NELL2: variants seen among roughly 807,000 people sequenced by gnomAD.
The protein encoded by NELL2 is neural EGFL like 2.
NELL2 carries 41 observed loss-of-function variants against 109.6 expected under a neutral mutation model. The observed-to-expected ratio is 0.37, with a 90% CI of 0.29 to 0.49. The LOEUF (loss-of-function observed/expected upper bound fraction) is 0.49. Among genes scored for constraint, NELL2 ranks in the 20% least tolerant of loss-of-function variants. NELL2 has a pLI of 0.98. For synonymous variants in NELL2, 355 were observed against 344.7 expected (o/e 1.03, Z -0.33); for missense variants, 900 against 1,008.3 (o/e 0.89, Z 1.45).
intron 15 of NELL2, among the ~76,000 whole-genome samples, chr12:44,545,042 AGT>A (rs1942736595): frequency 6.6e-6 from 1 of 152,030 alleles, no homozygotes; most frequent in African/African-American, 2.4e-5. Flanking sequence ...AGAAAAAAAG[AGT>A]GTCAAAAACA....
At chr12:44,824,170 C>A (rs1342363770) in intron 2 of NELL2, among the ~76,000 whole-genome samples, 3 of 151,966 alleles carry the variant, frequency 2.0e-5, no homozygotes, top group African/African-American at 4.8e-5. Flanking sequence ...GACAATGGAC[C>A]CCTTGGCAGA....
At chr12:44,713,529 G>T (rs546041140) in intron 10 of NELL2, among the ~76,000 whole-genome samples, 1 of 151,944 alleles carries the variant, frequency 6.6e-6, no homozygotes, top group East Asian at 1.9e-4. Flanking sequence ...ACAGGTTGAG[G>T]AATTCATTTT....
intron 2 of NELL2, among the ~76,000 whole-genome samples, chr12:44,855,123 T>C (rs1485048177): frequency 2.0e-5 from 3 of 152,232 alleles, no homozygotes; most frequent in Non-Finnish European, 2.9e-5. Flanking sequence ...TGTATTTCTA[T>C]ACTTATATCA....
chr12:44,591,099 G>A (rs1177631466), intron 15 of NELL2, among the ~76,000 whole-genome samples: 1 of 152,080 alleles, frequency 6.6e-6, no homozygotes. Flanking sequence ...CAGTTAGAAT[G>A]GCTATTATCA....
chr12:44,852,560 GTAA>G (rs1944563934), intron 2 of NELL2, among the ~76,000 whole-genome samples: 1 of 152,160 alleles, frequency 6.6e-6, no homozygotes, highest in Non-Finnish European at 1.5e-5. Flanking sequence ...AGATGCCTGT[GTAA>G]TTAACATCAG....
intron 9 of NELL2, among the ~76,000 whole-genome samples, chr12:44,731,062 C>T (rs1727666428): frequency 1.3e-5 from 2 of 152,182 alleles, no homozygotes; most frequent in Admixed American, 6.5e-5. Flanking sequence ...CCTACTATGA[C>T]AGCAGAATCA....
In NELL2 at chr12:44,786,621, C is replaced by A. The variant is rs549897494; in HGVS notation, c.336-6599G>T. Among the ~76,000 whole-genome samples the A allele has an allele frequency of 2.6e-5, 4 of 152,168 alleles. No homozygotes were observed. In the South Asian group the frequency reaches 8.3e-4, roughly 32 times the overall value. On this transcript the variant is annotated intron_variant, in intron 3 of 19. Coordinates refer to ENST00000429094, the MANE Select transcript of NELL2 (RefSeq NM_001145108.2). Reference sequence around the variant, plus strand: ...ATTTACAATAGCAAAGACTTGGAACCAACCCAAATGCCCATCAATGATAGA... The same window carrying A: ...ATTTACAATAGCAAAGACTTGGAACAAACCCAAATGCCCATCAATGATAGA...
intron 12 of NELL2, among the ~76,000 whole-genome samples, chr12:44,694,509 A>C (rs1028735778): frequency 7.6e-6 from 1 of 131,480 alleles, no homozygotes; most frequent in Middle Eastern, 3.9e-3. Context: ...ATAATATACA[A>C]CACACATACA....
intron 12 of NELL2, among the ~76,000 whole-genome samples, chr12:44,678,637 C>A (rs1260117169): frequency 6.6e-6 from 1 of 152,046 alleles, no homozygotes; most frequent in Non-Finnish European, 1.5e-5. Context: ...TCAACATATT[C>A]CTTTTCTGCT....
chr12:44,884,144 T>C (rs1480192967), intron 1 of NELL2, among the ~76,000 whole-genome samples: 2 of 151,744 alleles, frequency 1.3e-5, no homozygotes, highest in Non-Finnish European at 2.9e-5. Context: ...ATATATATAC[T>C]AGGTAAACAT....
intron 11 of NELL2, among the ~76,000 whole-genome samples, chr12:44,710,041 T>G (rs1198008791): frequency 6.6e-6 from 1 of 152,208 alleles, no homozygotes; most frequent in Non-Finnish European, 1.5e-5. Context: ...GCAGACCATG[T>G]CTTAAACCAT....
chr12:44,793,879 T>G (rs992241471), intron 3 of NELL2, among the ~76,000 whole-genome samples: 2 of 152,152 alleles, frequency 1.3e-5, no homozygotes, highest in Non-Finnish European at 2.9e-5. Flanking sequence ...ATGCACAAAA[T>G]CGTATGAATA....
intron 16 of NELL2, among the ~76,000 whole-genome samples, chr12:44,524,673 T>A (rs555311906): frequency 1.3e-5 from 2 of 151,980 alleles, no homozygotes; most frequent in African/African-American, 4.8e-5. Flanking sequence ...CCACAGGACA[T>A]TTTTTTTCTA....
intron 2 of NELL2, among the ~76,000 whole-genome samples, chr12:44,846,940 C>T (rs1334296352): frequency 5.3e-5 from 8 of 152,302 alleles, no homozygotes; most frequent in Admixed American, 2.0e-4. Flanking sequence ...AATAATGTTC[C>T]GAAGCCAGTG....
At chr12:44,782,120 G>C (rs1186662514) in intron 3 of NELL2, among the ~76,000 whole-genome samples, 1 of 151,888 alleles carries the variant, frequency 6.6e-6, no homozygotes, top group Non-Finnish European at 1.5e-5. Context: ...AAGAATTTAT[G>C]TTATAAATGA....
At position 44,734,730 on chromosome 12, in the gene NELL2, A is replaced by G. The variant is rs116390810; in HGVS notation, c.995-19989T>C. Among the ~76,000 whole-genome samples the G allele has an allele frequency of 5.2e-3, 791 of 152,088 alleles. 12 individuals carry two copies. Among genetic ancestry groups the G allele is most frequent in the African/African-American group, 0.018 (749 of 41,552 alleles). ...TTTTAACATATTTATTCTCCCTACTATAATGTTATTGTTGTATTTTTAAAT... is the reference window on the plus strand; with the variant it reads ...TTTTAACATATTTATTCTCCCTACTGTAATGTTATTGTTGTATTTTTAAAT... On this transcript the variant is annotated intron_variant, in intron 9 of 19. Transcript: ENST00000429094.
At chr12:44,530,127 A>G (rs1941973906) in intron 16 of NELL2, among the ~76,000 whole-genome samples, 1 of 152,180 alleles carries the variant, frequency 6.6e-6, no homozygotes, top group South Asian at 2.1e-4. Flanking sequence ...GAGCAGGGCC[A>G]CTTCCTCCAA....
upstream of NELL2, among the ~76,000 whole-genome samples, chr12:44,918,517 ATGTG>A (rs10589306): frequency 0.059 from 7,313 of 123,804 alleles, 185 homozygotes; most frequent in African/African-American, 0.08. Context: ...GCATGCATGT[ATGTG>A]TGTGTGTGTG....
intron 1 of NELL2, among the ~76,000 whole-genome samples, chr12:44,893,536 C>T (rs1945559696): frequency 6.6e-6 from 1 of 152,108 alleles, no homozygotes; most frequent in South Asian, 2.1e-4. Context: ...TTTCTGGGAT[C>T]TGCTTGGTAT....
Sources: gnomAD v4.1 joint callset for allele counts (sites outside exome capture counted in the v4.1 genomes callset) on GRCh38, gnomAD v4.1.1 for gene constraint, MANE v1.5 for transcripts, NCBI Gene and HGNC (gene_info 2026-07-23, HGNC 2026-07-21) for gene names.